EFCAB6: variants seen among roughly 807,000 people sequenced by gnomAD.
The protein encoded by EFCAB6 is EF-hand calcium binding domain 6.
EFCAB6 carries 156 observed loss-of-function variants against 169.8 expected under a neutral mutation model. The observed-to-expected ratio is 0.92, with a 90% CI of 0.81 to 1.05. EFCAB6 has a LOEUF of 1.05. EFCAB6 is among the 50% of genes least tolerant of loss of function. EFCAB6 has a pLI of 0.00. For synonymous variants in EFCAB6, 698 were observed against 676.4 expected (o/e 1.03, Z -0.50); for missense variants, 1,800 against 1,829.1 (o/e 0.98, Z 0.29).
intron 6 of EFCAB6, among the ~76,000 whole-genome samples, chr22:43,740,681 G>T (rs191844924): frequency 1.4e-4 from 22 of 152,268 alleles, no homozygotes; most frequent in Non-Finnish European, 2.2e-4. Context: ...TCCAAAACTG[G>T]GAATACTGAG....
chr22:43,629,581 C>G (rs2054781944), intron 19 of EFCAB6, among the ~76,000 whole-genome samples: 1 of 152,170 alleles, frequency 6.6e-6, no homozygotes, highest in Admixed American at 6.5e-5. Context: ...GTAGAAATGG[C>G]TCGGGGCTCA....
At chr22:43,627,271 G>T (rs2054595227) in intron 19 of EFCAB6, among the ~76,000 whole-genome samples, 1 of 152,180 alleles carries the variant, frequency 6.6e-6, no homozygotes, top group African/African-American at 2.4e-5. Flanking sequence ...GGAAACAGAG[G>T]CTCAGGGTTC....
At chr22:43,617,633 A>G (rs1331518689) in intron 20 of EFCAB6, among the ~76,000 whole-genome samples, 1 of 152,096 alleles carries the variant, frequency 6.6e-6, no homozygotes, top group Non-Finnish European at 1.5e-5. Context: ...AATCTTGACA[A>G]TCAGTCAGAT....
intron 6 of EFCAB6, among the ~76,000 whole-genome samples, chr22:43,737,816 C>T (rs1276254405): frequency 4.7e-5 from 6 of 128,128 alleles, no homozygotes; most frequent in African/African-American, 1.5e-4. Context: ...TATACTCACA[C>T]ACACTCACAC....
intron 5 of EFCAB6, chr22:43,760,009 A>C (rs2061098492): frequency 6.6e-6 from 1 of 152,372 alleles, no homozygotes; most frequent in African/African-American, 2.4e-5. Flanking sequence ...GTTTGAGACC[A>C]GCCTGGCCAA....
chr22:43,752,643 TTAGA>T (rs2060812822), intron 6 of EFCAB6, among the ~76,000 whole-genome samples: 1 of 152,126 alleles, frequency 6.6e-6, no homozygotes, highest in African/African-American at 2.4e-5. Flanking sequence ...TCTCTTGTTT[TTAGA>T]GTCATATTGG....
At position 43,530,842 on chromosome 22, in the gene EFCAB6, C is replaced by T. The variant is rs1343378184; in HGVS notation, c.4356G>A (p.Gly1452=). 2.5e-6 allele frequency: 4 copies of T among 1,613,932 alleles called. No individual in the cohort carries two copies. Among genetic ancestry groups the T allele is most frequent in the African/African-American group, 1.3e-5 (1 of 74,950 alleles). ...TFKSYDEAGT[G]LLSVADFRTV... ...TCCTGAAATCTGCGACGCTTAGCAGCCCTGTTCCAGCCTCATCATAGCTTT... is the reference window on the plus strand; with the variant it reads ...TCCTGAAATCTGCGACGCTTAGCAGTCCTGTTCCAGCCTCATCATAGCTTT... Residue 1452 remains glycine (G), a synonymous_variant, in exon 31 of 32, where the codon GGG becomes GGA. Coordinates refer to ENST00000262726, the MANE Select transcript of EFCAB6 (RefSeq NM_022785.4).
chr22:43,594,350 T>C (rs1432130378), intron 23 of EFCAB6, among the ~76,000 whole-genome samples: 1 of 149,444 alleles, frequency 6.7e-6, no homozygotes, highest in African/African-American at 2.5e-5. Context: ...AAAAAGTTGC[T>C]AGATGGATTA....
chr22:43,798,175 G>T (rs1224183109), intron 2 of EFCAB6, among the ~76,000 whole-genome samples: 1 of 152,038 alleles, frequency 6.6e-6, no homozygotes, highest in Non-Finnish European at 1.5e-5. Flanking sequence ...CACAAGGTCA[G>T]GAGTTCAAGA....
intron 17 of EFCAB6, among the ~76,000 whole-genome samples, chr22:43,657,281 A>C (rs1244169597): frequency 6.6e-6 from 1 of 152,172 alleles, no homozygotes; most frequent in East Asian, 1.9e-4. Context: ...GGTTACAGAG[A>C]GAGACCCTGT....
chr22:43,602,437 C>T, intron 22 of EFCAB6, among the ~76,000 whole-genome samples: 1 of 152,176 alleles, frequency 6.6e-6, no homozygotes, highest in East Asian at 1.9e-4. Context: ...TTCCCTGTTG[C>T]TGGTAATGCT....
chr22:43,810,167 C>G (rs1017902603), intron 1 of EFCAB6, among the ~76,000 whole-genome samples: 1 of 152,210 alleles, frequency 6.6e-6, no homozygotes, highest in Non-Finnish European at 1.5e-5. Context: ...GCATAAGCCA[C>G]CACACCCAAC....
intron 10 of EFCAB6, among the ~76,000 whole-genome samples, chr22:43,699,100 C>T (rs1165620916): frequency 6.6e-6 from 1 of 152,120 alleles, no homozygotes; most frequent in Non-Finnish European, 1.5e-5. Flanking sequence ...GGATTGACTG[C>T]ACTGGATATT....
At chr22:43,709,894 G>A (rs2059096761) in intron 10 of EFCAB6, among the ~76,000 whole-genome samples, 1 of 152,146 alleles carries the variant, frequency 6.6e-6, no homozygotes, top group Admixed American at 6.5e-5. Flanking sequence ...ATTCGTACAT[G>A]GTGATTCTCT....
chr22:43,542,891 C>T (rs983591877), intron 27 of EFCAB6, among the ~76,000 whole-genome samples: 4 of 152,158 alleles, frequency 2.6e-5, no homozygotes, highest in Non-Finnish European at 4.4e-5. Flanking sequence ...ACTGTGAAAG[C>T]GTCAAAAGCA....
intron 10 of EFCAB6, among the ~76,000 whole-genome samples, chr22:43,709,136 C>T (rs2059066042): frequency 1.3e-5 from 2 of 152,080 alleles, no homozygotes; most frequent in Admixed American, 1.3e-4. Flanking sequence ...GGCTGGGGTG[C>T]AGTGGTGCAA....
At chr22:43,775,871 T>G (rs1297011372) in intron 3 of EFCAB6, among the ~76,000 whole-genome samples, 1 of 152,240 alleles carries the variant, frequency 6.6e-6, no homozygotes, top group Non-Finnish European at 1.5e-5. Flanking sequence ...AGGCAACAGC[T>G]GCATCAACTG....
intron 8 of EFCAB6, among the ~76,000 whole-genome samples, chr22:43,724,423 A>G (rs1487225730): frequency 7.0e-6 from 1 of 143,166 alleles, no homozygotes; most frequent in African/African-American, 2.6e-5. Context: ...GCTGGAATGC[A>G]GTGACACGAT....
chr22:43,594,190 G>A (rs6006501), intron 23 of EFCAB6, among the ~76,000 whole-genome samples: 41,677 of 148,866 alleles, frequency 0.28, 6,393 homozygotes, highest in East Asian at 0.63. Flanking sequence ...CAGGAGAATC[G>A]CTTGAACCTG....
Sources: allele counts gnomAD v4.1 joint callset (sites outside exome capture counted in the v4.1 genomes callset), GRCh38; gene constraint gnomAD v4.1.1; transcripts MANE v1.5; gene names NCBI Gene and HGNC (gene_info 2026-07-23, HGNC 2026-07-21).